PRMT3: variants seen among roughly 807,000 people sequenced by gnomAD.
PRMT3 encodes protein arginine methyltransferase 3.
Under a neutral mutation model 71.9 loss-of-function variants are expected in PRMT3, and 62 were observed. That is an observed-to-expected ratio of 0.86 (90% CI 0.70 to 1.07). The LOEUF (loss-of-function observed/expected upper bound fraction) is 1.07, where lower values mean the gene tolerates loss of function less well. Ranked by LOEUF, PRMT3 falls within the 50% of genes least tolerant of loss-of-function variation. PRMT3 has a pLI of 0.00. For synonymous variants in PRMT3, 213 were observed against 220.4 expected (o/e 0.97, Z 0.30); for missense variants, 663 against 643.0 (o/e 1.03, Z -0.34).
intron 2 of PRMT3, among the ~76,000 whole-genome samples, 184 bp downstream of exon 2, chr11:20,388,338 G>T (rs1485999245): frequency 6.6e-6 from 1 of 152,210 alleles, no homozygotes; most frequent in African/African-American, 2.4e-5. Flanking sequence ...GGGGAACCGT[G>T]AACTGGAAGG....
At chr11:20,452,011 C>T (rs1850159842) in intron 10 of PRMT3, 119 bp from the exon 11 acceptor site, 4 of 621,716 alleles carry the variant, frequency 6.4e-6, no homozygotes, top group Non-Finnish European at 9.9e-6. Context: ...AATATTATTA[C>T]ATCTGTGGCA....
chr11:20,496,343 A>G (rs759930863), intron 15 of PRMT3, among the ~76,000 whole-genome samples: 25 of 152,090 alleles, frequency 1.6e-4, no homozygotes, highest in Non-Finnish European at 3.4e-4. Context: ...CCTTGAGCCC[A>G]GGAGTCTGAG....
intron 15 of PRMT3, among the ~76,000 whole-genome samples, chr11:20,506,084 G>A (rs904457993): frequency 1.2e-4 from 19 of 152,082 alleles, no homozygotes; most frequent in African/African-American, 4.6e-4. Context: ...TACCTTTTCT[G>A]AACTTCATCT....
At chr11:20,503,141 C>G (rs569057672) in intron 15 of PRMT3, among the ~76,000 whole-genome samples, 1 of 152,152 alleles carries the variant, frequency 6.6e-6, no homozygotes, top group East Asian at 1.9e-4. Flanking sequence ...AACTATCTTG[C>G]TTTATAGAAT....
chr11:20,507,485 A>G (rs1210506323), intron 15 of PRMT3, among the ~76,000 whole-genome samples: 2 of 152,204 alleles, frequency 1.3e-5, no homozygotes, highest in African/African-American at 2.4e-5. Flanking sequence ...TCAAAAATTA[A>G]TGAAACAGGG....
intron 10 of PRMT3, among the ~76,000 whole-genome samples, chr11:20,443,303 T>G (rs146109345): frequency 2.4e-4 from 36 of 152,226 alleles, no homozygotes; most frequent in African/African-American, 8.4e-4. Context: ...ATTGGGGAAA[T>G]GGGTGACAGC....
intron 9 of PRMT3, among the ~76,000 whole-genome samples, chr11:20,426,182 A>G (rs1006519616): frequency 7.9e-5 from 12 of 152,238 alleles, no homozygotes; most frequent in Non-Finnish European, 1.6e-4. Flanking sequence ...GTTGTTGATG[A>G]TAGTGTCATT....
intron 9 of PRMT3, among the ~76,000 whole-genome samples, chr11:20,415,566 C>T (rs1455777836): frequency 7.2e-6 from 1 of 138,730 alleles, no homozygotes; most frequent in East Asian, 3.0e-4. Flanking sequence ...ACTTTCTTTC[C>T]TCCCCAGCTT....
chr11:20,441,788 G>GTTTTT (rs61553968), intron 10 of PRMT3, among the ~76,000 whole-genome samples: 34 of 118,464 alleles, frequency 2.9e-4, no homozygotes, highest in East Asian at 1.1e-3. Context: ...ATAGTTTCAG[G>GTTTTT]TTTTTTTTTT....
chr11:20,489,454 G>C (rs1851156691), intron 13 of PRMT3, among the ~76,000 whole-genome samples: 1 of 151,986 alleles, frequency 6.6e-6, no homozygotes, highest in Non-Finnish European at 1.5e-5. Flanking sequence ...GTTATTTGTT[G>C]CCATTGCCTA....
intron 13 of PRMT3, among the ~76,000 whole-genome samples, chr11:20,482,561 G>C (rs767957039): frequency 2.0e-5 from 3 of 152,046 alleles, no homozygotes; most frequent in Non-Finnish European, 4.4e-5. Context: ...CACAGAGGCT[G>C]TCAATTAACA....
At chr11:20,433,117 A>G (rs1389908838) in intron 10 of PRMT3, among the ~76,000 whole-genome samples, 1 of 151,490 alleles carries the variant, frequency 6.6e-6, no homozygotes, top group African/African-American at 2.4e-5. Flanking sequence ...AACTTGTGCC[A>G]TGGGGGTTTG....
intron 10 of PRMT3, among the ~76,000 whole-genome samples, chr11:20,430,142 CTTTA>C (rs914214279): frequency 4.1e-4 from 63 of 152,188 alleles, no homozygotes; most frequent in African/African-American, 1.3e-3. Context: ...AGACTCCTGT[CTTTA>C]TTTATTTTAT....
intron 10 of PRMT3, among the ~76,000 whole-genome samples, chr11:20,447,434 G>A (rs986052478): frequency 3.3e-5 from 5 of 152,038 alleles, no homozygotes; most frequent in African/African-American, 1.2e-4. Context: ...AATTTATCTG[G>A]CCCAAAATGT....
chr11:20,464,368 ATGTT>A, intron 12 of PRMT3, 88 bp from the exon 13 acceptor site: 1 of 1,440,290 alleles, frequency 6.9e-7, no homozygotes, highest in Non-Finnish European at 9.1e-7. Flanking sequence ...AAAAGAAGTA[ATGTT>A]TGTCTGGGTT....
chr11:20,445,289 T>C (rs1398524847), intron 10 of PRMT3, among the ~76,000 whole-genome samples: 2 of 152,110 alleles, frequency 1.3e-5, no homozygotes, highest in African/African-American at 4.8e-5. Flanking sequence ...TATGTGCAAA[T>C]AGTGTATAAC....
chr11:20,452,076 C>G, intron 10 of PRMT3, 54 bp from the exon 11 acceptor site: 2 of 1,310,368 alleles, frequency 1.5e-6, no homozygotes, highest in Non-Finnish European at 2.2e-6. Context: ...AATTGACCTG[C>G]TTATGAGAGT....
intron 15 of PRMT3, among the ~76,000 whole-genome samples, chr11:20,506,677 C>T (rs977060935): frequency 6.6e-6 from 1 of 152,058 alleles, no homozygotes; most frequent in African/African-American, 2.4e-5. Context: ...TTCAGTACTT[C>T]AATAGTTTTA....
intron 10 of PRMT3, among the ~76,000 whole-genome samples, chr11:20,430,113 T>A (rs1358651171): frequency 6.6e-6 from 1 of 152,230 alleles, no homozygotes; most frequent in Admixed American, 6.5e-5. Flanking sequence ...TGAACCAGCA[T>A]TTTAAACTTA....
Sources: allele counts gnomAD v4.1 joint callset (sites outside exome capture counted in the v4.1 genomes callset), GRCh38; gene constraint gnomAD v4.1.1; transcripts MANE v1.5; gene names NCBI Gene and HGNC (gene_info 2026-07-23, HGNC 2026-07-21).